TGFA: variants seen among roughly 807,000 people sequenced by gnomAD.
The protein encoded by TGFA is protransforming growth factor alpha.
TGFA carries 12 observed loss-of-function variants against 21.7 expected under a neutral mutation model. The observed-to-expected ratio is 0.55, with a 90% CI of 0.35 to 0.90. The LOEUF is 0.90. Among genes scored for constraint, TGFA ranks in the 40% least tolerant of loss-of-function variants. The probability of loss-of-function intolerance (pLI) is 0.01; values close to 1 mark genes in which losing one functional copy is unlikely to be tolerated. For missense variants in TGFA, 178 were observed against 210.8 expected, an observed-to-expected ratio of 0.84 and a Z score of 0.96; for synonymous variants, 79 against 88.1, an observed-to-expected ratio of 0.90 and a Z score of 0.58.
intron 1 of TGFA, 64 bp from the exon 2 acceptor site, chr2:70,514,976 C>A (rs1186260761): frequency 7.3e-6 from 11 of 1,507,940 alleles, no homozygotes; most frequent in Non-Finnish European, 8.2e-6. Flanking sequence ...TCCTCAGACG[C>A]TTAGAGGGCA....
At chr2:70,466,520 A>C (rs77237740) in intron 2 of TGFA, among the ~76,000 whole-genome samples, 30,383 of 152,028 alleles carry the variant, frequency 0.2, 3,395 homozygotes, top group African/African-American at 0.3. Flanking sequence ...CTCAAAAAAA[A>C]CCAAAAAAAC....
At chr2:70,521,646 GCT>G (rs1410707048) in intron 1 of TGFA, among the ~76,000 whole-genome samples, 2 of 68,386 alleles carry the variant, frequency 2.9e-5, no homozygotes, top group Non-Finnish European at 5.1e-5. Context: ...TTTGAGTCTC[GCT>G]CTGTCTCCTA....
chr2:70,553,784 C>T lies in TGFA; in HGVS notation c.-17G>A. ...GGGGACCATTTTACGGGCGGGCGGG[C>T]AGCAGGCTCTCCAGCCTCCTGCCCT... On this transcript the variant is annotated 5_prime_UTR_variant, in exon 1 of 6. Coordinates refer to ENST00000295400, the MANE Select transcript of TGFA (RefSeq NM_003236.4). 7.8e-7 allele frequency: 1 copy of T among 1,275,036 alleles called. No homozygotes were observed. Among genetic ancestry groups the T allele is most frequent in the Non-Finnish European group, 1.0e-6 (1 of 1,003,780 alleles). The allele number at this position is 1,275,036 out of a possible 1,614,324, so 79.0% of individuals were successfully genotyped here. A position where few individuals can be genotyped will look rare whatever the true frequency, so the allele number is the denominator to read the frequency against.
At chr2:70,533,258 G>A (rs1672869912) in intron 1 of TGFA, among the ~76,000 whole-genome samples, 1 of 152,180 alleles carries the variant, frequency 6.6e-6, no homozygotes, top group Non-Finnish European at 1.5e-5. Flanking sequence ...GGTACAAGCT[G>A]AAAAGATGAA....
intron 2 of TGFA, among the ~76,000 whole-genome samples, chr2:70,486,212 A>G (rs1439437136): frequency 6.6e-6 from 1 of 152,116 alleles, no homozygotes; most frequent in Non-Finnish European, 1.5e-5. Flanking sequence ...ACCTCTGTAG[A>G]CTTAGATGGT....
chr2:70,477,081 A>C (rs1379843205), intron 2 of TGFA, among the ~76,000 whole-genome samples: 2 of 152,266 alleles, frequency 1.3e-5, no homozygotes, highest in Non-Finnish European at 2.9e-5. Context: ...CTATAAACAC[A>C]GTTAAAGCTT....
At chr2:70,475,931 G>A (rs1553494203) in intron 2 of TGFA, among the ~76,000 whole-genome samples, 2 of 151,788 alleles carry the variant, frequency 1.3e-5, no homozygotes, top group Non-Finnish European at 2.9e-5. Flanking sequence ...ATTCATTATG[G>A]ATTAAAATGC....
Position 70,519,563 on chromosome 2 carries a change from C to T in TGFA, c.41-4651G>A, listed in dbSNP as rs1285426626. On this transcript the variant is annotated intron_variant, in intron 1 of 5. Transcript: ENST00000295400. ...CTGCAGAGGAGGACTATGAGCAAGG[C>T]TGGTAGGATGAGCGTACCATGGACT... Among the ~76,000 whole-genome samples the T allele has an allele frequency of 2.0e-5, 3 of 152,168 alleles. No individual in the cohort carries two copies. The East Asian group carries it at 5.8e-4, about 29-fold the overall frequency.
chr2:70,527,351 A>G (rs1488257961), intron 1 of TGFA, among the ~76,000 whole-genome samples: 1 of 152,260 alleles, frequency 6.6e-6, no homozygotes, highest in Non-Finnish European at 1.5e-5. Flanking sequence ...AAAAGGCTGT[A>G]TATTGTATGA....
intron 1 of TGFA, among the ~76,000 whole-genome samples, chr2:70,516,850 C>T (rs1395734294): frequency 3.3e-5 from 5 of 149,572 alleles, no homozygotes; most frequent in African/African-American, 7.6e-5. Context: ...TGAGGGGAAG[C>T]GTGACTTGCC....
intron 2 of TGFA, among the ~76,000 whole-genome samples, chr2:70,466,071 G>GATAGCT: frequency 6.6e-6 from 1 of 152,018 alleles, no homozygotes; most frequent in Non-Finnish European, 1.5e-5. Flanking sequence ...TTTTTTTTTA[G>GATAGCT]ATAGCTGTCA....
chr2:70,496,102 C>T (rs1461104393), intron 2 of TGFA, among the ~76,000 whole-genome samples: 3 of 152,146 alleles, frequency 2.0e-5, no homozygotes, highest in Admixed American at 6.5e-5. Flanking sequence ...TGCTGCCATA[C>T]CCACATGTGT....
chr2:70,466,986 G>C (rs1249434947), intron 2 of TGFA, among the ~76,000 whole-genome samples: 1 of 152,110 alleles, frequency 6.6e-6, no homozygotes, highest in Admixed American at 6.5e-5. Flanking sequence ...TGAACAAAGA[G>C]AACACGTGGA....
intron 2 of TGFA, among the ~76,000 whole-genome samples, chr2:70,469,921 T>C (rs922437490): frequency 1.1e-4 from 17 of 152,336 alleles, no homozygotes; most frequent in Non-Finnish European, 8.8e-5. Flanking sequence ...TCTGCTATGG[T>C]CTCATTTAAC....
chr2:70,506,193 A>G (rs1671921724), intron 2 of TGFA, among the ~76,000 whole-genome samples: 1 of 152,222 alleles, frequency 6.6e-6, no homozygotes, highest in African/African-American at 2.4e-5. Context: ...GAGGTTTTTG[A>G]CTTTTCTTTA....
At chr2:70,532,865 CTTT>C (rs5832016) in intron 1 of TGFA, among the ~76,000 whole-genome samples, 20 of 145,096 alleles carry the variant, frequency 1.4e-4, no homozygotes, top group Non-Finnish European at 9.0e-5. Flanking sequence ...TATTCTTTTT[CTTT>C]TTTTTTTTTT....
At chr2:70,535,793 G>A (rs933451508) in intron 1 of TGFA, among the ~76,000 whole-genome samples, 1 of 152,188 alleles carries the variant, frequency 6.6e-6, no homozygotes, top group Non-Finnish European at 1.5e-5. Flanking sequence ...GTGAATTGAT[G>A]TTGTTTTCCT....
Position 70,476,080 on chromosome 2 carries a change from C to CAAAAAAAAAA in TGFA, c.95-10354_95-10345dup, listed in dbSNP as rs1175233983. Among the ~76,000 whole-genome samples, 46 of 55,620 alleles carry CAAAAAAAAAA rather than the reference C, an allele frequency of 8.3e-4. 1 individual carries two copies. Among genetic ancestry groups the CAAAAAAAAAA allele is most frequent in the African/African-American group, 2.5e-3 (36 of 14,414 alleles). The allele number at this position is 55,620 out of a possible 152,430, so 36.5% of individuals were successfully genotyped here. A position where few individuals can be genotyped will look rare whatever the true frequency, so the allele number is the denominator to read the frequency against. On this transcript the variant is annotated intron_variant, in intron 2 of 5. Transcript: ENST00000295400. ...CTACCTTGGTCTTAGTAATTTTAAG[C>CAAAAAAAAAA]AAAAAAAAAAAAAAAAAAAAAAAAA...
At chr2:70,504,258 A>G (rs1427178003) in intron 2 of TGFA, among the ~76,000 whole-genome samples, 2 of 151,162 alleles carry the variant, frequency 1.3e-5, no homozygotes, top group Non-Finnish European at 3.0e-5. Context: ...AAAAAACACA[A>G]AAATTAGCCT....
Sources: allele counts gnomAD v4.1 joint callset (sites outside exome capture counted in the v4.1 genomes callset), GRCh38; gene constraint gnomAD v4.1.1; transcripts MANE v1.5; gene names NCBI Gene and HGNC (gene_info 2026-07-23, HGNC 2026-07-21).